SIPA1L2: variants seen among roughly 807,000 people sequenced by gnomAD.
SIPA1L2 encodes signal-induced proliferation-associated 1-like protein 2.
A neutral mutation model predicts 163.9 loss-of-function variants in SIPA1L2; 56 were observed. That is an observed-to-expected ratio of 0.34 (90% CI 0.28 to 0.43). The LOEUF (loss-of-function observed/expected upper bound fraction) is 0.43, where lower values mean the gene tolerates loss of function less well. Ranked by LOEUF, SIPA1L2 falls within the 20% of genes least tolerant of loss-of-function variation. The pLI is 1.00. For synonymous variants in SIPA1L2, 877 were observed against 865.7 expected, an observed-to-expected ratio of 1.01 and a Z score of -0.23; for missense variants, 1,974 against 2,193.5, an observed-to-expected ratio of 0.90 and a Z score of 2.00.
At position 232,425,813 on chromosome 1, in the gene SIPA1L2, G is replaced by C; in HGVS notation, c.4411-5C>G. 1.2e-6 allele frequency: 2 copies of C among 1,612,310 alleles called. No individual in the cohort carries two copies. Among genetic ancestry groups the C allele is most frequent in the African/African-American group, 1.3e-5 (1 of 74,968 alleles). ...CAGGTTCCCATAGAACGAAAACTAG[G>C]GTTTAAACAAGGTGCGAGGAGGGAA... is the stretch of plus-strand genomic sequence containing the variant. On this transcript the variant is annotated splice_polypyrimidine_tract_variant and splice_region_variant and intron_variant, in intron 17 of 22. Coordinates refer to ENST00000674635, the MANE Select transcript of SIPA1L2 (RefSeq NM_020808.5).
chr1:232,527,239 C>T (rs1461340770), intron 2 of SIPA1L2, among the ~76,000 whole-genome samples: 1 of 152,192 alleles, frequency 6.6e-6, no homozygotes, highest in Non-Finnish European at 1.5e-5. Context: ...GCAGAAAGGG[C>T]TCCATACTTT....
chr1:232,576,318 C>G (rs1183291143), intron 1 of SIPA1L2, among the ~76,000 whole-genome samples: 2 of 152,242 alleles, frequency 1.3e-5, no homozygotes, highest in Non-Finnish European at 2.9e-5. Context: ...TCTCACAATA[C>G]TTCGAACTTC....
At chr1:232,493,699 A>G in intron 3 of SIPA1L2, 39 bp from the exon 4 acceptor site, 3 of 1,611,568 alleles carry the variant, frequency 1.9e-6, no homozygotes, top group Non-Finnish European at 2.5e-6. Flanking sequence ...AAAGAATGAA[A>G]AAGGAACAAA....
chr1:232,525,079 G>C (rs941130676), intron 2 of SIPA1L2, among the ~76,000 whole-genome samples: 3 of 151,600 alleles, frequency 2.0e-5, no homozygotes, highest in African/African-American at 7.3e-5. Context: ...CCCTTTTAAA[G>C]TCCCACACTA....
intron 6 of SIPA1L2, 73 bp from the exon 7 acceptor site, chr1:232,479,803 C>T (rs2102967902): frequency 7.2e-7 from 1 of 1,387,996 alleles, no homozygotes; most frequent in Non-Finnish European, 1.0e-6. Flanking sequence ...TAAAAGGTTA[C>T]TGTTGCAAAA....
In SIPA1L2 at chr1:232,467,127, C is replaced by G. The variant is rs75871796; in HGVS notation, c.2244-1711G>C. Among the ~76,000 whole-genome samples, 1,410 of 152,312 alleles carry G rather than the reference C, an allele frequency of 9.3e-3. 27 individuals are homozygous for G. The highest frequency in any genetic ancestry group is 0.033 in the African/African-American group (1,361 of 41,550). ...TAGAAAAATCGCAGGCTAACTTGTG[C>G]TTTAATCTGCAACCTCTTCAGCAGA... On this transcript the variant is annotated intron_variant, in intron 8 of 22. Transcript: ENST00000674635.
At chr1:232,628,351 T>C (rs1252790853) in intron 1 of SIPA1L2, among the ~76,000 whole-genome samples, 1 of 152,244 alleles carries the variant, frequency 6.6e-6, no homozygotes, top group African/African-American at 2.4e-5. Flanking sequence ...ATGTGATTTA[T>C]ACCCAAAACT....
chr1:232,413,179 C>A (rs973054441), intron 19 of SIPA1L2, among the ~76,000 whole-genome samples: 1 of 152,206 alleles, frequency 6.6e-6, no homozygotes, highest in Non-Finnish European at 1.5e-5. Flanking sequence ...GATGAGAAGA[C>A]TGAAGCCCAA....
chr1:232,482,023 A>G (rs1477672528), intron 6 of SIPA1L2, among the ~76,000 whole-genome samples: 1 of 152,188 alleles, frequency 6.6e-6, no homozygotes, highest in East Asian at 1.9e-4. Context: ...CCTCTCTACT[A>G]AAAGAATGTC....
chr1:232,607,317 T>C (rs1661976036), intron 1 of SIPA1L2, among the ~76,000 whole-genome samples: 1 of 152,330 alleles, frequency 6.6e-6, no homozygotes, highest in Non-Finnish European at 1.5e-5. Flanking sequence ...CATTTTCCCA[T>C]GTCATTAAAT....
At chr1:232,448,954 C>A (rs1023207212) in intron 10 of SIPA1L2, among the ~76,000 whole-genome samples, 2 of 151,940 alleles carry the variant, frequency 1.3e-5, no homozygotes, top group Admixed American at 1.3e-4. Flanking sequence ...AAATGACAAG[C>A]CTAAGGCAGA....
intron 1 of SIPA1L2, among the ~76,000 whole-genome samples, chr1:232,611,767 C>A (rs567501899): frequency 6.6e-6 from 1 of 152,236 alleles, no homozygotes; most frequent in Non-Finnish European, 1.5e-5. Flanking sequence ...TGCAGCCGGA[C>A]AATGTGACAG....
In SIPA1L2 at chr1:232,626,262, C is replaced by A. The variant is rs150574136; in HGVS notation, c.-319+3607G>T. Among the ~76,000 whole-genome samples, 981 of 128,226 alleles carry A rather than the reference C, an allele frequency of 7.7e-3. 5 individuals are homozygous for A. The highest frequency in any genetic ancestry group is 0.028 in the African/African-American group (924 of 32,876). 84.1% of individuals were successfully genotyped at this position (128,226 alleles called of 152,430 possible). On this transcript the variant is annotated intron_variant, in intron 1 of 22. Transcript: ENST00000674635. ...TTTTTTTTTTCATTTTACAGGTAGA[C>A]GAAAACAAAAGGTATAGGAACAACA... is the stretch of plus-strand genomic sequence containing the variant.
intron 2 of SIPA1L2, among the ~76,000 whole-genome samples, chr1:232,542,989 A>C (rs1285688698): frequency 6.6e-6 from 1 of 152,170 alleles, no homozygotes; most frequent in African/African-American, 2.4e-5. Context: ...AAAAACAGCT[A>C]AGTTTTCCAA....
chr1:232,421,453 T>C (rs115237339), intron 18 of SIPA1L2, among the ~76,000 whole-genome samples: 3,205 of 152,322 alleles, frequency 0.021, 98 homozygotes, highest in African/African-American at 0.069. Context: ...CATTTCCTGG[T>C]GGTCAGATAT....
At chr1:232,592,865 A>C (rs1661036890) in intron 1 of SIPA1L2, among the ~76,000 whole-genome samples, 1 of 151,804 alleles carries the variant, frequency 6.6e-6, no homozygotes, top group Admixed American at 6.6e-5. Flanking sequence ...CCTCTATTTC[A>C]TAGTCTTCTG....
At chr1:232,563,452 T>C (rs1026266632) in intron 2 of SIPA1L2, among the ~76,000 whole-genome samples, 1 of 152,160 alleles carries the variant, frequency 6.6e-6, no homozygotes, top group Non-Finnish European at 1.5e-5. Flanking sequence ...CACATTTCTA[T>C]AGTATACACT....
intron 2 of SIPA1L2, among the ~76,000 whole-genome samples, chr1:232,567,740 A>G (rs1004216958): frequency 1.3e-5 from 2 of 152,144 alleles, no homozygotes; most frequent in African/African-American, 2.4e-5. Flanking sequence ...TTTGTATGCT[A>G]ATGAGTTAAT....
At chr1:232,480,170 T>C (rs61054520) in intron 6 of SIPA1L2, among the ~76,000 whole-genome samples, 131 of 137,746 alleles carry the variant, frequency 9.5e-4, no homozygotes, top group African/African-American at 3.2e-3. Flanking sequence ...TGTGTGTGTG[T>C]GTGTGTGTGT....
Sources: gnomAD v4.1 joint callset for allele counts (sites outside exome capture counted in the v4.1 genomes callset) on GRCh38, gnomAD v4.1.1 for gene constraint, MANE v1.5 for transcripts, NCBI Gene and HGNC (gene_info 2026-07-23, HGNC 2026-07-21) for gene names.